Variants in ADCYAP1R1 observed in about 807,000 individuals in gnomAD.
ADCYAP1R1 encodes the protein pituitary adenylate cyclase-activating polypeptide type I receptor.
In ADCYAP1R1, 44 loss-of-function variants were observed where a neutral mutation model predicts 67.6. The observed-to-expected ratio is 0.65, with a 90% CI of 0.51 to 0.84. The LOEUF is 0.84. Ranked by LOEUF, ADCYAP1R1 falls within the 40% of genes least tolerant of loss-of-function variation. The pLI is 0.00. For synonymous variants in ADCYAP1R1, 222 were observed against 219.6 expected (o/e 1.01, Z -0.10); for missense variants, 477 against 587.9 (o/e 0.81, Z 1.95).
rs768663248 is a variant in ADCYAP1R1 at position 31,084,835 on chromosome 7, G to C, written c.536+1G>C. On this transcript the variant is annotated splice_donor_variant, in intron 8 of 15. Transcript: ENST00000304166. LOFTEE classifies it high-confidence loss of function. ...CCATGGTCATCCTTTGTCGCTTCCGGTGAGACCCTCAGCAACATTCAAGCA... is the reference window on the plus strand; with the variant it reads ...CCATGGTCATCCTTTGTCGCTTCCGCTGAGACCCTCAGCAACATTCAAGCA... 6.2e-7 allele frequency: 1 copy of C among 1,613,890 alleles called. No homozygotes were observed. Among genetic ancestry groups the C allele is most frequent in the African/African-American group, 1.3e-5 (1 of 75,028 alleles).
intron 3 of ADCYAP1R1, among the ~76,000 whole-genome samples, chr7:31,076,912 A>G (rs1001444632): frequency 2.0e-5 from 3 of 152,068 alleles, no homozygotes; most frequent in Admixed American, 1.3e-4. Context: ...AGACCCCTGC[A>G]TCTCAGCATC....
intron 3 of ADCYAP1R1, among the ~76,000 whole-genome samples, chr7:31,077,381 AGTGGTGTGTATGTGATGTGT>A (rs1438769642): frequency 2.2e-5 from 3 of 137,904 alleles, no homozygotes; most frequent in African/African-American, 5.6e-5. Context: ...GTCTGGTGTG[AGTGGTGTGTATGTGATGTGT>A]GTGGTGTGTG....
intron 13 of ADCYAP1R1, among the ~76,000 whole-genome samples, chr7:31,101,419 G>A (rs1796430773): frequency 6.6e-6 from 1 of 152,172 alleles, no homozygotes; most frequent in Non-Finnish European, 1.5e-5. Context: ...CAGATGCCAG[G>A]AGGAGGAAGG....
rs1231328311 is a variant in ADCYAP1R1, at chr7:31,087,777, T to A, written c.954+81T>A. On this transcript the variant is annotated intron_variant, in intron 12 of 15. Coordinates refer to ENST00000304166, the MANE Select transcript of ADCYAP1R1 (RefSeq NM_001118.5). ...CACGCGAGGAAGAGAAATGAAAGAG[T>A]CCCCACACAACCTGACTTCCTCCTC... 4.3e-6 allele frequency: 5 copies of A among 1,149,792 alleles called. No individual in the cohort carries two copies. In the African/African-American group the frequency reaches 7.7e-5, roughly 18 times the overall value. The allele number at this position is 1,149,792 out of a possible 1,614,324, so 71.2% of individuals were successfully genotyped here. A position where few individuals can be genotyped will look rare whatever the true frequency, so the allele number is the denominator to read the frequency against.
In ADCYAP1R1 at chr7:31,102,294, C is replaced by T. The variant is rs756548003; in HGVS notation, c.1047-943C>T. Among the ~76,000 whole-genome samples, 93 of 152,238 alleles carry T rather than the reference C, an allele frequency of 6.1e-4. No individual in the cohort carries two copies. Among genetic ancestry groups the T allele is most frequent in the Non-Finnish European group, 7.5e-4 (51 of 67,988 alleles). On this transcript the variant is annotated intron_variant, in intron 13 of 15. Coordinates refer to ENST00000304166, the MANE Select transcript of ADCYAP1R1 (RefSeq NM_001118.5). The surrounding 1 kb of genome is among the most constrained non-coding windows in gnomAD (Gnocchi z 4.3). ...GCAGCCTGGGGGCAGGCCACATCTGCGGGGCAGGCCACATCTGCAGGGCAG... is the reference window on the plus strand; with the variant it reads ...GCAGCCTGGGGGCAGGCCACATCTGTGGGGCAGGCCACATCTGCAGGGCAG...
intron 8 of ADCYAP1R1, 102 bp downstream of exon 8, chr7:31,084,936 C>T (rs1795674455): frequency 1.7e-6 from 2 of 1,149,324 alleles, no homozygotes; most frequent in African/African-American, 1.5e-5. Context: ...CCCTAGAAGA[C>T]CCCTTTGAAG....
Position 31,086,513 on chromosome 7 carries a change from T to C in ADCYAP1R1, c.799T>C (p.Tyr267His). ...ETFFPERRYF[Y>H]WYTIIGWGTP... ...CTTCTTCCCTGAAAGGAGATACTTC[T>C]ACTGGTACACCATCATTGGCTGGGG... The change falls in exon 10 of 16, where the codon TAC (tyrosine) becomes CAC (histidine). Residue 267 changes from tyrosine (Y) to histidine (H), a missense_variant. Transcript: ENST00000304166. The surrounding 1 kb of genome is among the most constrained non-coding windows in gnomAD (Gnocchi z 5.0). 2 of 1,614,248 alleles carry C rather than the reference T, an allele frequency of 1.2e-6. No individual in the cohort carries two copies. The highest frequency in any genetic ancestry group is 1.7e-6 in the Non-Finnish European group (2 of 1,180,042).
chr7:31,088,581 A>G (rs941022558), intron 12 of ADCYAP1R1, among the ~76,000 whole-genome samples: 2 of 152,188 alleles, frequency 1.3e-5, no homozygotes, highest in African/African-American at 4.8e-5. Flanking sequence ...AATTTTATCT[A>G]ATTTTCAATG....
At chr7:31,067,251 C>T (rs973538398) in intron 3 of ADCYAP1R1, among the ~76,000 whole-genome samples, 1 of 152,158 alleles carries the variant, frequency 6.6e-6, no homozygotes, top group African/African-American at 2.4e-5. Flanking sequence ...CCTACTCGTC[C>T]CCTCCCTTGA....
At position 31,087,692 on chromosome 7, in the gene ADCYAP1R1, T is replaced by C; in HGVS notation, c.950T>C (p.Ile317Thr). 6.2e-7 allele frequency: 1 copy of C among 1,613,458 alleles called. No homozygotes were observed. Among genetic ancestry groups the C allele is most frequent in the Non-Finnish European group, 8.5e-7 (1 of 1,179,624 alleles). ...WVIKGPVVGSIMVNFVLFIGI... is the reference protein window; with the variant it reads ...WVIKGPVVGSTMVNFVLFIGI... The stretch of plus-strand genomic sequence containing the variant: ...ATCAAAGGCCCTGTGGTTGGCTCTA[T>C]CATGGTGAGTGTCCTTGGGATGAAG... The change falls in exon 12 of 16, where the codon ATC (isoleucine) becomes ACC (threonine). Residue 317 changes from isoleucine to threonine, a missense_variant. Transcript: ENST00000304166.
chr7:31,055,334 T>C (rs1794194556), intron 1 of ADCYAP1R1, among the ~76,000 whole-genome samples: 1 of 147,386 alleles, frequency 6.8e-6, no homozygotes. Flanking sequence ...GGAAAGTGTG[T>C]GTGTGTGTGT....
At chr7:31,092,828 A>G (rs1796022179) in intron 13 of ADCYAP1R1, 93 bp downstream of exon 13, 1 of 857,978 alleles carries the variant, frequency 1.2e-6, no homozygotes, top group East Asian at 2.5e-5. Context: ...GGCTTTGCTG[A>G]TAGGGTGACC....
chr7:31,105,112 A>G (rs961924178), intron 15 of ADCYAP1R1, among the ~76,000 whole-genome samples: 1 of 152,214 alleles, frequency 6.6e-6, no homozygotes, highest in Non-Finnish European at 1.5e-5. Context: ...CTGTGCTGGA[A>G]TCTGTCCCAC....
At position 31,086,397 on chromosome 7, in the gene ADCYAP1R1, C is replaced by T. The variant is rs1220964197; in HGVS notation, c.683C>T (p.Ala228Val). 1.9e-6 allele frequency: 3 copies of T among 1,614,082 alleles called. No homozygotes were observed. The South Asian group carries it at 3.3e-5, about 18-fold the overall frequency. The change falls in exon 10 of 16, where the codon GCC becomes GTC. Residue 228 changes from alanine (A) to valine (V), a missense_variant. Ala to Val is a moderately conservative substitution (Grantham distance 64). Coordinates refer to ENST00000304166, the MANE Select transcript of ADCYAP1R1 (RefSeq NM_001118.5). This position sits in a 1 kb window ranked among gnomAD's most constrained non-coding sequence, Gnocchi z 5.0. The stretch of plus-strand genomic sequence containing the variant: ...TTCTCCCTGCAGGTGGAATGTAAGG[C>T]CGTCATGGTTTTCTTCCACTACTGT... ...HCFISTVECK[A>V]VMVFFHYCVV...
intron 3 of ADCYAP1R1, among the ~76,000 whole-genome samples, chr7:31,077,607 T>C (rs907528533): frequency 2.7e-5 from 4 of 148,246 alleles, no homozygotes; most frequent in East Asian, 4.1e-4. Flanking sequence ...GTGTGTTGTG[T>C]GAATGTGTGT....
chr7:31,099,813 C>T (rs1047748147), intron 13 of ADCYAP1R1, among the ~76,000 whole-genome samples: 15 of 152,192 alleles, frequency 9.9e-5, no homozygotes, highest in African/African-American at 2.9e-4. Flanking sequence ...CCTCTGGCTC[C>T]CTGTGTGAGA....
chr7:31,061,398 C>A lies in ADCYAP1R1; in HGVS notation c.-71-1796C>A, dbSNP rs148108766. ...TTTAGGGGCCACCAGTGCTAGGTCACGCCAGAGGCAGCCTGTGGCCACCAG... is the reference window on the plus strand; with the variant it reads ...TTTAGGGGCCACCAGTGCTAGGTCAAGCCAGAGGCAGCCTGTGGCCACCAG... On this transcript the variant is annotated intron_variant, in intron 1 of 15. Transcript: ENST00000304166. 8.9e-3 allele frequency among the ~76,000 whole-genome samples: 1,351 copies of A among 152,314 alleles called. 23 individuals carry two copies. The highest frequency in any genetic ancestry group is 0.029 in the African/African-American group (1,225 of 41,574).
chr7:31,092,839 T>G (rs1337546427), intron 13 of ADCYAP1R1, 104 bp downstream of exon 13: 49 of 765,154 alleles, frequency 6.4e-5, no homozygotes, highest in Non-Finnish European at 9.3e-5. Context: ...TAGGGTGACC[T>G]AGCATCAGCA....
chr7:31,073,446 A>T (rs79224851), intron 3 of ADCYAP1R1, among the ~76,000 whole-genome samples: 6,072 of 152,212 alleles, frequency 0.04, 164 homozygotes, highest in Middle Eastern at 0.11. Flanking sequence ...CTTTGTTGAG[A>T]CTGGAGTGTG....
Sources: gnomAD v4.1 joint callset for allele counts (sites outside exome capture counted in the v4.1 genomes callset) on GRCh38, gnomAD v4.1.1 for gene constraint, Gnocchi (gnomAD v3.1) non-coding constraint, MANE v1.5 for transcripts, NCBI Gene and HGNC (gene_info 2026-07-23, HGNC 2026-07-21) for gene names.